The following KHDRBS2 variants were observed in gnomAD, a reference collection of about 807,000 sequenced individuals.
The protein encoded by KHDRBS2 is KH domain-containing, RNA-binding, signal transduction-associated protein 2.
Under a neutral mutation model 44.3 loss-of-function variants are expected in KHDRBS2, and 26 were observed. The ratio of observed to expected loss-of-function variants is 0.59; its 90% CI spans 0.43 to 0.81. The LOEUF (loss-of-function observed/expected upper bound fraction) is 0.81, where lower values mean the gene tolerates loss of function less well. Among genes scored for constraint, KHDRBS2 ranks in the 40% least tolerant of loss-of-function variants. The probability of loss-of-function intolerance (pLI) is 0.00; values close to 1 mark genes in which losing one functional copy is unlikely to be tolerated. For synonymous variants in KHDRBS2, 194 were observed against 151.1 expected, an observed-to-expected ratio of 1.28 and a Z score of -2.08; for missense variants, 476 against 433.1, an observed-to-expected ratio of 1.10 and a Z score of -0.88.
intron 2 of KHDRBS2, among the ~76,000 whole-genome samples, chr6:62,165,434 T>C (rs1818483071): frequency 6.6e-6 from 1 of 151,406 alleles, no homozygotes; most frequent in Admixed American, 6.6e-5. Flanking sequence ...TAATATATAC[T>C]AATTACATGC....
chr6:61,766,418 A>G (rs1267253304), intron 6 of KHDRBS2, among the ~76,000 whole-genome samples: 2 of 151,800 alleles, frequency 1.3e-5, no homozygotes, highest in Non-Finnish European at 2.9e-5. Context: ...CCAAAAAACC[A>G]CATTTTTGTT....
chr6:61,928,498 T>C (rs1809393496), intron 4 of KHDRBS2, among the ~76,000 whole-genome samples: 1 of 152,118 alleles, frequency 6.6e-6, no homozygotes, highest in Non-Finnish European at 1.5e-5. Context: ...TGCATGAGTA[T>C]TTTAAGTACT....
intron 1 of KHDRBS2, among the ~76,000 whole-genome samples, chr6:62,234,398 T>G (rs1299092824): frequency 6.6e-6 from 1 of 152,132 alleles, no homozygotes; most frequent in Non-Finnish European, 1.5e-5. Context: ...TGAAAGTAAT[T>G]TATTCAATCA....
chr6:61,854,247 T>C (rs1414973660), intron 6 of KHDRBS2, among the ~76,000 whole-genome samples: 1 of 152,146 alleles, frequency 6.6e-6, no homozygotes, highest in Non-Finnish European at 1.5e-5. Context: ...CTTTGACTTG[T>C]ATTATCTTGA....
At chr6:62,235,637 T>G (rs995717872) in intron 1 of KHDRBS2, among the ~76,000 whole-genome samples, 26 of 152,084 alleles carry the variant, frequency 1.7e-4, no homozygotes, top group Non-Finnish European at 2.8e-4. Context: ...GATGTAATAA[T>G]ACAATATTTT....
chr6:61,852,428 G>C (rs1433659650), intron 6 of KHDRBS2, among the ~76,000 whole-genome samples: 1 of 151,894 alleles, frequency 6.6e-6, no homozygotes, highest in Non-Finnish European at 1.5e-5. Flanking sequence ...GCTGGGTGTG[G>C]TGGCTTATGC....
intron 1 of KHDRBS2, among the ~76,000 whole-genome samples, chr6:62,243,291 C>T (rs1834996990): frequency 6.6e-6 from 1 of 151,930 alleles, no homozygotes; most frequent in South Asian, 2.1e-4. Context: ...TTTCTATATG[C>T]TTCTATAATG....
At chr6:62,241,265 T>G (rs1412844503) in intron 1 of KHDRBS2, among the ~76,000 whole-genome samples, 2 of 152,120 alleles carry the variant, frequency 1.3e-5, no homozygotes, top group Non-Finnish European at 2.9e-5. Context: ...AAACTACATA[T>G]CGTATAAGGA....
At chr6:61,576,452 A>C in the KHDRBS2 span, among the ~76,000 whole-genome samples, 1,979 of 152,242 alleles carry the variant, frequency 0.013, 18 homozygotes, top group Middle Eastern at 0.027. Context: ...TCATTAATCA[A>C]ATCTAGGAGC....
chr6:61,673,420 C>T, the KHDRBS2 span, among the ~76,000 whole-genome samples: 1 of 151,502 alleles, frequency 6.6e-6, no homozygotes. Context: ...GAAGTTCTGG[C>T]CAGGGCAATT....
chr6:61,625,044 T>C, the KHDRBS2 span, among the ~76,000 whole-genome samples: 2 of 152,100 alleles, frequency 1.3e-5, no homozygotes, highest in African/African-American at 2.4e-5. Flanking sequence ...ATGAGGTGTT[T>C]GCTTTTACCG....
intron 6 of KHDRBS2, among the ~76,000 whole-genome samples, chr6:61,792,420 A>G (rs928647089): frequency 1.3e-5 from 2 of 151,608 alleles, no homozygotes; most frequent in Admixed American, 6.6e-5. Flanking sequence ...TTTCCACTTG[A>G]TATCACTTTT....
At chr6:62,108,325 C>T (rs552279969) in intron 2 of KHDRBS2, among the ~76,000 whole-genome samples, 5 of 152,180 alleles carry the variant, frequency 3.3e-5, no homozygotes, top group African/African-American at 9.6e-5. Flanking sequence ...ATTTATGCAG[C>T]CAAAAAAACA....
intron 6 of KHDRBS2, chr6:61,816,996 G>A (rs1206306575): frequency 2.2e-6 from 1 of 455,782 alleles, no homozygotes; most frequent in East Asian, 7.0e-5. Context: ...AAGGAAAGTG[G>A]TAATGATGGC....
intron 2 of KHDRBS2, among the ~76,000 whole-genome samples, chr6:62,082,267 C>T (rs1388258349): frequency 1.3e-5 from 2 of 150,914 alleles, no homozygotes; most frequent in African/African-American, 2.4e-5. Flanking sequence ...AGAAAAAGGG[C>T]CAAAATGAAA....
the KHDRBS2 span, among the ~76,000 whole-genome samples, chr6:61,613,804 T>C: frequency 2.2e-5 from 1 of 45,730 alleles, no homozygotes; most frequent in Non-Finnish European, 6.2e-5. Flanking sequence ...TCTACAGCAA[T>C]CTTAGTATAA....
chr6:61,663,448 T>A, the KHDRBS2 span, among the ~76,000 whole-genome samples: 1 of 126,126 alleles, frequency 7.9e-6, no homozygotes. Flanking sequence ...AAAATACGAT[T>A]GAAGATAATG....
chr6:61,736,757 T>C (rs906741744), intron 6 of KHDRBS2, among the ~76,000 whole-genome samples: 6 of 152,024 alleles, frequency 3.9e-5, no homozygotes, highest in African/African-American at 1.4e-4. Flanking sequence ...CTCAAGGTCA[T>C]TTTACATAAT....
chr6:62,282,143 A>T (rs1841894231), intron 1 of KHDRBS2, among the ~76,000 whole-genome samples: 1 of 152,170 alleles, frequency 6.6e-6, no homozygotes, highest in Admixed American at 6.5e-5. Flanking sequence ...TATTTAAGAA[A>T]CACGATCTAA....
Sources: gnomAD v4.1 joint callset for allele counts (sites outside exome capture counted in the v4.1 genomes callset) on GRCh38, gnomAD v4.1.1 for gene constraint, MANE v1.5 for transcripts, NCBI Gene and HGNC (gene_info 2026-07-23, HGNC 2026-07-21) for gene names.